PKD1L3: variants seen among roughly 807,000 people sequenced by gnomAD.
PKD1L3 encodes the protein polycystin-1-like protein 3.
PKD1L3 carries 239 observed loss-of-function variants against 184.1 expected under a neutral mutation model. The ratio of observed to expected loss-of-function variants is 1.30; its 90% CI spans 1.17 to 1.45. The LOEUF (loss-of-function observed/expected upper bound fraction) is 1.45, where lower values mean the gene tolerates loss of function less well. PKD1L3 is among the 40% of genes most tolerant of loss of function. The probability of loss-of-function intolerance (pLI) is 0.00; values close to 1 mark genes in which losing one functional copy is unlikely to be tolerated. For synonymous variants in PKD1L3, 996 were observed against 778.8 expected (o/e 1.28, Z -4.64); for missense variants, 2,660 against 2,067.2 (o/e 1.29, Z -5.56).
intron 3 of PKD1L3, among the ~76,000 whole-genome samples, chr16:71,992,083 G>A (rs1053901645): frequency 7.2e-5 from 11 of 152,060 alleles, no homozygotes; most frequent in Non-Finnish European, 1.0e-4. Flanking sequence ...AGCCTCCCAC[G>A]GTGCTGGGAT....
intron 14 of PKD1L3, 133 bp downstream of exon 14, chr16:71,967,773 C>A (rs900952218): frequency 7.8e-6 from 6 of 770,354 alleles, no homozygotes; most frequent in Non-Finnish European, 1.2e-5. Flanking sequence ...CCCACATGTA[C>A]AGTTTAGAAC....
intron 16 of PKD1L3, among the ~76,000 whole-genome samples, chr16:71,957,381 A>T (rs2039088493): frequency 6.6e-6 from 1 of 152,212 alleles, no homozygotes; most frequent in South Asian, 2.1e-4. Context: ...TATCAAATGT[A>T]AATAGGTTAA....
chr16:71,990,158 T>C, intron 4 of PKD1L3, 122 bp downstream of exon 4: 1 of 794,348 alleles, frequency 1.3e-6, no homozygotes, highest in Non-Finnish European at 1.8e-6. Flanking sequence ...CGTAAGTACT[T>C]TATTTTCCTT....
At position 71,999,839 on chromosome 16, in the gene PKD1L3, G is replaced by T. The variant is rs1186840824; in HGVS notation, c.140C>A (p.Ala47Glu). 1.9e-6 allele frequency: 3 copies of T among 1,551,522 alleles called. No individual in the cohort carries two copies. The Admixed American group carries it at 5.9e-5, about 30-fold the overall frequency. ...TCTCTGCACATGACAGTAATGCTGT[G>T]CTTCCTCAAAGCTGCATTGAAATCT... ...LNRFQCSFEE[A>E]QHYCHVQRGF... The change falls in exon 1 of 30, where the codon GCA becomes GAA. Residue 47 changes from alanine (A) to glutamate (E), a missense_variant. By Grantham distance (107) the Ala-to-Glu change is moderately radical (BLOSUM62 -1). Transcript: ENST00000620267.
At chr16:71,996,408 A>ACC (rs1567558884) in intron 2 of PKD1L3, among the ~76,000 whole-genome samples, 2 of 151,756 alleles carry the variant, frequency 1.3e-5, no homozygotes, top group African/African-American at 4.8e-5. Flanking sequence ...CTACAGGTGC[A>ACC]CACCACCACG....
chr16:71,973,342 C>A lies in PKD1L3; in HGVS notation c.1935G>T (p.Trp645Cys). ...CYYWEIHNQTWSSAGCQVGPQ... is the reference protein window; with the variant it reads ...CYYWEIHNQTCSSAGCQVGPQ... ...TTCTTACTTGGCATCCGGCGCTGCTCCATGTCTGGTTGTGGATCTCCCAGT... is the reference window on the plus strand; with the variant it reads ...TTCTTACTTGGCATCCGGCGCTGCTACATGTCTGGTTGTGGATCTCCCAGT... Residue 645 changes from tryptophan (W) to cysteine (C), a missense_variant, in exon 12 of 30, where the codon TGG becomes TGT. Coordinates refer to ENST00000620267, the MANE Select transcript of PKD1L3 (RefSeq NM_181536.2). The A allele has an allele frequency of 3.9e-6, 6 of 1,551,666 alleles. No homozygotes were observed. The highest frequency in any genetic ancestry group is 4.4e-6 in the Non-Finnish European group (5 of 1,146,998).
At chr16:71,968,031 A>T in intron 13 of PKD1L3, 24 bp from the exon 14 acceptor site, 1 of 1,526,326 alleles carries the variant, frequency 6.6e-7, no homozygotes, top group Non-Finnish European at 8.9e-7. Context: ...AGAACCATGC[A>T]ACTTACTAGG....
At chr16:71,947,717 A>C in intron 21 of PKD1L3, 126 bp from the exon 22 acceptor site, 1 of 641,722 alleles carries the variant, frequency 1.6e-6, no homozygotes, top group Non-Finnish European at 2.7e-6. Context: ...TTTTAATGAA[A>C]AACTAATTTC....
chr16:71,935,460 T>C lies in PKD1L3; in HGVS notation c.4511A>G (p.Asp1504Gly). ...GAAGCTAATGAGGATTATACTTGTG[T>C]CCAGAATGTTTCTTTTCCCAGTGAA... is the stretch of plus-strand genomic sequence containing the variant. Reference protein sequence around the residue: ...RFFTGKRNILDTSIILISFIL... With the variant: ...RFFTGKRNILGTSIILISFIL... The change falls in exon 26 of 30, where the codon GAC (aspartate) becomes GGC (glycine). Residue 1504 changes from aspartate to glycine, a missense_variant. Physicochemically the swap from Asp to Gly is moderately conservative, Grantham distance 94. Transcript: ENST00000620267. 6.4e-7 allele frequency: 1 copy of C among 1,552,216 alleles called. No individual in the cohort carries two copies. The highest frequency in any genetic ancestry group is 2.0e-5 in the Admixed American group (1 of 51,008).
At position 71,954,309 on chromosome 16, in the gene PKD1L3, G is replaced by C. The variant is rs1177632919; in HGVS notation, c.2613-8C>G. On this transcript the variant is annotated splice_region_variant and splice_polypyrimidine_tract_variant and intron_variant, in intron 16 of 29. Transcript: ENST00000620267. ...ATGGAGGAAAACAGATGTCTGAAAA[G>C]AGAAATCAGAAGAGGAAATACATGA... 15 of 1,515,376 alleles carry C rather than the reference G, an allele frequency of 9.9e-6. No homozygotes were observed. Among genetic ancestry groups the C allele is most frequent in the Admixed American group, 6.7e-5 (3 of 45,042 alleles). The allele number at this position is 1,515,376 out of a possible 1,614,324, so 93.9% of individuals were successfully genotyped here.
At chr16:71,951,775 C>G in intron 18 of PKD1L3, 31 bp from the exon 19 acceptor site, 1 of 1,529,206 alleles carries the variant, frequency 6.5e-7, no homozygotes, top group Non-Finnish European at 8.8e-7. Context: ...GAAAAATCAG[C>G]CTGTTTTTCA....
At chr16:71,945,383 CATATAT>C (rs1220889537) in intron 22 of PKD1L3, among the ~76,000 whole-genome samples, 48 of 56,980 alleles carry the variant, frequency 8.4e-4, no homozygotes, top group Middle Eastern at 9.4e-3. Context: ...CGCACACACA[CATATAT>C]ATATATATAT....
At chr16:71,990,627 G>C (rs1020018717) in intron 3 of PKD1L3, among the ~76,000 whole-genome samples, 8 of 152,018 alleles carry the variant, frequency 5.3e-5, no homozygotes, top group Middle Eastern at 3.2e-3. Flanking sequence ...CCAGCTACTC[G>C]GGAGGCTGAG....
At chr16:71,982,347 G>T in intron 6 of PKD1L3, 112 bp from the exon 7 acceptor site, 2 of 937,736 alleles carry the variant, frequency 2.1e-6, no homozygotes, top group Non-Finnish European at 2.9e-6. Context: ...GTGCAATGGC[G>T]TGATATCGAC....
chr16:71,993,415 T>C lies in PKD1L3; in HGVS notation c.419-83A>G, dbSNP rs188355699. The C allele has an allele frequency of 0.015, 12,578 of 852,542 alleles. 709 individuals carry two copies. The East Asian group carries it at 0.17, about 11-fold the overall frequency. The allele number at this position is 852,542 out of a possible 1,614,324, so 52.8% of individuals were successfully genotyped here. A position where few individuals can be genotyped will look rare whatever the true frequency, so the allele number is the denominator to read the frequency against. ...ATAAAACCATCATTACATGCACGTA[T>C]GTGATAATCAGGAAAACACAAATTA... On this transcript the variant is annotated intron_variant, in intron 2 of 29. Coordinates refer to ENST00000620267, the MANE Select transcript of PKD1L3 (RefSeq NM_181536.2).
chr16:71,994,363 C>T (rs1188351082), intron 2 of PKD1L3, among the ~76,000 whole-genome samples: 2 of 152,074 alleles, frequency 1.3e-5, no homozygotes, highest in Non-Finnish European at 2.9e-5. Context: ...AGGGGAATAT[C>T]AAAGCAATTT....
At chr16:71,938,758 C>T (rs1429327851) in intron 24 of PKD1L3, among the ~76,000 whole-genome samples, 1 of 152,252 alleles carries the variant, frequency 6.6e-6, no homozygotes, top group African/African-American at 2.4e-5. Flanking sequence ...ATGGGACGAC[C>T]TGCCTGTGGA....
In PKD1L3 at chr16:71,989,641, T is replaced by C. The variant is rs575759147; in HGVS notation, c.585+639A>G. On this transcript the variant is annotated intron_variant, in intron 4 of 29. Transcript: ENST00000620267. ...AGTTTCTACCTTTATTTCCTTTCCC[T>C]TTCTGTTAGATGTTTACGTTTTATT... is the stretch of plus-strand genomic sequence containing the variant. Among the ~76,000 whole-genome samples the C allele has an allele frequency of 2.4e-3, 369 of 152,364 alleles. 3 individuals carry two copies. The South Asian group carries it at 0.027, about 11-fold the overall frequency.
chr16:71,986,123 G>A, intron 5 of PKD1L3, 98 bp downstream of exon 5: 1 of 1,430,902 alleles, frequency 7.0e-7, no homozygotes, highest in Non-Finnish European at 9.4e-7. Context: ...TGGTCTGTCA[G>A]GCATTCTTAG....
Sources: allele counts gnomAD v4.1 joint callset (sites outside exome capture counted in the v4.1 genomes callset), GRCh38; gene constraint gnomAD v4.1.1; transcripts MANE v1.5; gene names NCBI Gene and HGNC (gene_info 2026-07-23, HGNC 2026-07-21).